CEP290: variants seen among roughly 807,000 people sequenced by gnomAD.
CEP290 encodes centrosomal protein of 290 kDa.
In CEP290, 317 loss-of-function variants were observed where a neutral mutation model predicts 344.9. The observed-to-expected ratio is 0.92, with a 90% CI of 0.84 to 1.01. The LOEUF is 1.01. Ranked by LOEUF, CEP290 falls within the 50% of genes least tolerant of loss-of-function variation. The pLI is 0.00. For synonymous variants in CEP290, 932 were observed against 895.8 expected, an observed-to-expected ratio of 1.04 and a Z score of -0.72; for missense variants, 2,754 against 2,761.4, an observed-to-expected ratio of 1.00 and a Z score of 0.06.
At chr12:88,138,628 A>T (rs1363829390) in intron 5 of CEP290, among the ~76,000 whole-genome samples, 1 of 152,164 alleles carries the variant, frequency 6.6e-6, no homozygotes, top group Non-Finnish European at 1.5e-5. Flanking sequence ...TTATGCCTAC[A>T]AACATAAAAG....
chr12:88,124,709 C>T (rs529659224), intron 13 of CEP290, among the ~76,000 whole-genome samples: 4 of 152,006 alleles, frequency 2.6e-5, no homozygotes, highest in East Asian at 1.9e-4. Flanking sequence ...ATGAACAGTT[C>T]GCACTAGTGT....
At position 88,111,266 on chromosome 12, in the gene CEP290, C is replaced by T; in HGVS notation, c.2303G>A (p.Gly768Glu). 1 of 1,544,470 alleles carries T rather than the reference C, an allele frequency of 6.5e-7. No individual in the cohort carries two copies. The change falls in exon 22 of 54, where the codon GGG becomes GAG. Residue 768 changes from glycine to glutamate, a missense_variant. Gly to Glu is a moderately conservative substitution (Grantham distance 98). Transcript: ENST00000552810. ...GATACTGGCACTAGATGGTGCTATC[C>T]CATCAGGTAAGTCAATTCCTTTAAA... is the stretch of plus-strand genomic sequence containing the variant. ...VVFKGIDLPD[G>E]IAPSSASIIN... is the part of the protein sequence containing the mutation.
At chr12:88,125,473 T>C in intron 12 of CEP290, 104 bp from the exon 13 acceptor site, 1 of 485,062 alleles carries the variant, frequency 2.1e-6, no homozygotes, top group Non-Finnish European at 3.3e-6. Flanking sequence ...GTAGAACATA[T>C]TTTCTTGTGG....
chr12:88,140,988 G>T lies in CEP290; in HGVS notation c.148C>A (p.His50Asn). Residue 50 changes from histidine to asparagine, a missense_variant, in exon 3 of 54, where the codon CAC becomes AAC. Transcript: ENST00000552810. ...AGTGACTGAGTAATTCTGAAAAGGT[G>T]TATCACATTTTCTTGCTTTTCACTT... ...LKSEKQENVIHLFRITQSLMK... is the reference protein window; with the variant it reads ...LKSEKQENVINLFRITQSLMK... 1 of 1,591,388 alleles carries T rather than the reference G, an allele frequency of 6.3e-7. No homozygotes were observed. The highest frequency in any genetic ancestry group is 1.8e-5 in the Admixed American group (1 of 55,746).
At chr12:88,050,677 A>AT (rs1411381331) in intron 52 of CEP290, among the ~76,000 whole-genome samples, 1 of 152,148 alleles carries the variant, frequency 6.6e-6, no homozygotes, top group African/African-American at 2.4e-5. Flanking sequence ...AGGCCAAGTT[A>AT]TTTTTTCTTC....
At chr12:88,102,244 G>GT (rs150128516) in intron 26 of CEP290, among the ~76,000 whole-genome samples, 7 of 151,974 alleles carry the variant, frequency 4.6e-5, no homozygotes, top group South Asian at 4.1e-4. Context: ...TTCTACTCTA[G>GT]TTTTTTTATT....
chr12:88,085,957 C>T (rs2036544172), intron 34 of CEP290, 82 bp downstream of exon 34: 6 of 1,257,322 alleles, frequency 4.8e-6, no homozygotes, highest in Non-Finnish European at 6.6e-6. Context: ...CTATGCATTG[C>T]CCTCATAAAG....
Position 88,086,171 on chromosome 12 carries a change from A to C in CEP290, c.4305T>G (p.Phe1435Leu), listed in dbSNP as rs138095601. The change falls in exon 34 of 54, where the codon TTT (phenylalanine) becomes TTG (leucine). Residue 1435 changes from phenylalanine (F) to leucine (L), a missense_variant and splice_region_variant. Transcript: ENST00000552810. ...QNEILNAAQKFEEATGSIPDP... is the reference protein window; with the variant it reads ...QNEILNAAQKLEEATGSIPDP... ...CAGGGATTGATCCTGTAGCTTCTTC[A>C]AACTATTAAGAAATAGTATGTTTTT... 1.9e-6 allele frequency: 3 copies of C among 1,608,788 alleles called. No individual in the cohort carries two copies. In the Admixed American group the frequency reaches 5.1e-5, roughly 27 times the overall value.
In CEP290 at chr12:88,118,762, T is replaced by A. The variant is rs1348017820; in HGVS notation, c.1523-19A>T. The A allele has an allele frequency of 6.4e-7, 1 of 1,564,130 alleles. No individual in the cohort carries two copies. Among genetic ancestry groups the A allele is most frequent in the Non-Finnish European group, 8.7e-7 (1 of 1,149,096 alleles). Reference sequence around the variant, plus strand: ...TCAAGGCCTACAATAGAAAGCAATATAATTAAAAACTTAAAAACATTCAAA... The same window carrying A: ...TCAAGGCCTACAATAGAAAGCAATAAAATTAAAAACTTAAAAACATTCAAA... On this transcript the variant is annotated intron_variant, in intron 15 of 53. Transcript: ENST00000552810.
Position 88,101,438 on chromosome 12 carries a change from G to A in CEP290, c.2991+1400C>T, listed in dbSNP as rs544390711. On this transcript the variant is annotated intron_variant, in intron 26 of 53. Coordinates refer to ENST00000552810, the MANE Select transcript of CEP290 (RefSeq NM_025114.4). Reference sequence around the variant, plus strand: ...GGAGCTTGCAGTGAGCCAAGATGGCGCCACTGCACTCCAGCCTGGGTGACA... The same window carrying A: ...GGAGCTTGCAGTGAGCCAAGATGGCACCACTGCACTCCAGCCTGGGTGACA... 4.2e-5 allele frequency among the ~76,000 whole-genome samples: 6 copies of A among 141,348 alleles called. No individual in the cohort carries two copies. The South Asian group carries it at 1.4e-3, about 32-fold the overall frequency. The allele number at this position is 141,348 out of a possible 152,430, so 92.7% of individuals were successfully genotyped here. A position where few individuals can be genotyped will look rare whatever the true frequency, so the allele number is the denominator to read the frequency against.
At chr12:88,085,421 C>CTGAAGAAAA (rs1318326372) in intron 34 of CEP290, among the ~76,000 whole-genome samples, 1 of 152,002 alleles carries the variant, frequency 6.6e-6, no homozygotes, top group Non-Finnish European at 1.5e-5. Context: ...CTTAAAATTA[C>CTGAAGAAAA]TGAAGAAAAT....
intron 49 of CEP290, among the ~76,000 whole-genome samples, chr12:88,057,597 C>T (rs758232712): frequency 6.6e-6 from 1 of 151,596 alleles, no homozygotes; most frequent in African/African-American, 2.4e-5. Flanking sequence ...ATAATTTTTC[C>T]CAGTGTGTAG....
intron 9 of CEP290, among the ~76,000 whole-genome samples, 177 bp downstream of exon 9, chr12:88,130,091 A>G (rs573865853): frequency 2.1e-4 from 32 of 152,212 alleles, no homozygotes; most frequent in African/African-American, 7.5e-4. Flanking sequence ...ACAGGCAAAT[A>G]TAAAAATGGC....
intron 20 of CEP290, among the ~76,000 whole-genome samples, chr12:88,112,446 T>C (rs1046500733): frequency 2.0e-5 from 3 of 152,144 alleles, no homozygotes; most frequent in Non-Finnish European, 4.4e-5. Context: ...TATCATAACA[T>C]GATATTATCT....
intron 22 of CEP290, 122 bp from the exon 23 acceptor site, chr12:88,109,303 A>G: frequency 2.0e-6 from 1 of 493,598 alleles, no homozygotes; most frequent in Non-Finnish European, 3.6e-6. Context: ...CAAATCTGTA[A>G]GCAACACAGA....
intron 26 of CEP290, among the ~76,000 whole-genome samples, chr12:88,101,382 G>A (rs2037862636): frequency 6.6e-6 from 1 of 151,166 alleles, no homozygotes; most frequent in Admixed American, 6.6e-5. Flanking sequence ...TCAGGAGGCT[G>A]AGGCAGGAGA....
chr12:88,105,371 CA>C (rs201689017), intron 25 of CEP290, among the ~76,000 whole-genome samples: 1 of 151,714 alleles, frequency 6.6e-6, no homozygotes, highest in Non-Finnish European at 1.5e-5. Context: ...GCGGAGGGGA[CA>C]AAAAAAGCAG....
intron 26 of CEP290, among the ~76,000 whole-genome samples, chr12:88,101,590 A>T (rs1486634573): frequency 6.7e-6 from 1 of 149,186 alleles, no homozygotes; most frequent in African/African-American, 2.5e-5. Flanking sequence ...GAGGCAGAGG[A>T]TGCAGTAAGC....
At chr12:88,114,303 G>T in intron 20 of CEP290, 117 bp downstream of exon 20, 1 of 782,818 alleles carries the variant, frequency 1.3e-6, no homozygotes, top group Non-Finnish European at 1.9e-6. Flanking sequence ...TACATACAGG[G>T]AAACAATGAT....
Sources: allele counts gnomAD v4.1 joint callset (sites outside exome capture counted in the v4.1 genomes callset), GRCh38; gene constraint gnomAD v4.1.1; transcripts MANE v1.5; gene names NCBI Gene and HGNC (gene_info 2026-07-23, HGNC 2026-07-21).